Variants in CHN1 observed in about 807,000 individuals in gnomAD.
CHN1 encodes the protein chimerin 1.
CHN1 carries 37 observed loss-of-function variants against 59.5 expected under a neutral mutation model. The ratio of observed to expected loss-of-function variants is 0.62; its 90% CI spans 0.48 to 0.82. CHN1 has a LOEUF of 0.82. Ranked by LOEUF, CHN1 falls within the 40% of genes least tolerant of loss-of-function variation. The pLI, the probability that CHN1 is intolerant of heterozygous loss-of-function variation, is 0.00. For synonymous variants in CHN1, 206 were observed against 200.4 expected, an observed-to-expected ratio of 1.03 and a Z score of -0.24; for missense variants, 469 against 571.0, an observed-to-expected ratio of 0.82 and a Z score of 1.82.
intron 6 of CHN1, 45 bp downstream of exon 6, chr2:174,877,795 A>G (rs1687613665): frequency 1.3e-6 from 2 of 1,552,208 alleles, no homozygotes; most frequent in Non-Finnish European, 1.7e-6. Flanking sequence ...TTCTTAAAAG[A>G]ACCCCAAACA....
At chr2:174,920,796 G>A (rs1219711194) in intron 3 of CHN1, among the ~76,000 whole-genome samples, 3 of 152,134 alleles carry the variant, frequency 2.0e-5, no homozygotes, top group Non-Finnish European at 4.4e-5. Flanking sequence ...TATGGTTTCA[G>A]GATGATTCAA....
At chr2:174,811,678 G>T in intron 9 of CHN1, 90 bp from the exon 10 acceptor site, 1 of 715,530 alleles carries the variant, frequency 1.4e-6, no homozygotes, top group Non-Finnish European at 2.3e-6. Flanking sequence ...TAATGTGTCA[G>T]AAGAAATAAA....
chr2:174,887,081 T>C (rs1483066404), intron 5 of CHN1, among the ~76,000 whole-genome samples: 12 of 152,344 alleles, frequency 7.9e-5, no homozygotes. Context: ...ATAACATGTA[T>C]TCTTTTGTGC....
chr2:174,911,930 A>G (rs1180318545), intron 5 of CHN1, among the ~76,000 whole-genome samples: 2 of 152,208 alleles, frequency 1.3e-5, no homozygotes, highest in African/African-American at 2.4e-5. Flanking sequence ...TTTCTTAGGC[A>G]GTTACTTAAC....
chr2:174,849,093 CAA>C (rs1444589923), intron 6 of CHN1, among the ~76,000 whole-genome samples: 1 of 152,142 alleles, frequency 6.6e-6, no homozygotes, highest in Non-Finnish European at 1.5e-5. Flanking sequence ...TATTTGATAT[CAA>C]GTTACTAAGT....
chr2:174,878,256 G>A, intron 5 of CHN1, 128 bp from the exon 6 acceptor site: 1 of 795,446 alleles, frequency 1.3e-6, no homozygotes, highest in East Asian at 2.7e-5. Context: ...TAAATAAGCT[G>A]TGGCTAATCT....
intron 3 of CHN1, among the ~76,000 whole-genome samples, chr2:174,933,013 G>A (rs1024327476): frequency 2.0e-5 from 3 of 152,184 alleles, no homozygotes; most frequent in Non-Finnish European, 4.4e-5. Flanking sequence ...TTTGGTCTGG[G>A]AAACTGGAAT....
At chr2:174,829,728 T>C (rs991684240) in intron 7 of CHN1, among the ~76,000 whole-genome samples, 4 of 152,178 alleles carry the variant, frequency 2.6e-5, no homozygotes, top group Non-Finnish European at 4.4e-5. Context: ...GGCAATGACA[T>C]TTCAGCTGCA....
At chr2:174,986,695 G>A (rs965718912) in intron 1 of CHN1, among the ~76,000 whole-genome samples, 4 of 152,106 alleles carry the variant, frequency 2.6e-5, no homozygotes, top group African/African-American at 7.2e-5. Context: ...CATTTACAAC[G>A]ATCCACATAT....
chr2:174,864,953 C>T (rs1043901319), intron 6 of CHN1, among the ~76,000 whole-genome samples: 1 of 151,904 alleles, frequency 6.6e-6, no homozygotes, highest in African/African-American at 2.4e-5. Flanking sequence ...AGTCTAAATC[C>T]TTTATTTATT....
At chr2:174,975,288 G>C (rs1479438247) in intron 1 of CHN1, among the ~76,000 whole-genome samples, 1 of 152,224 alleles carries the variant, frequency 6.6e-6, no homozygotes, top group South Asian at 2.1e-4. Context: ...TCATTTCTTA[G>C]ATTTTTTTAA....
rs988910700 is a variant in CHN1 at position 174,799,963 on chromosome 2, G to T, written c.*153C>A. On this transcript the variant is annotated 3_prime_UTR_variant, in exon 13 of 13. Coordinates refer to ENST00000409900, the MANE Select transcript of CHN1 (RefSeq NM_001822.7). ...TCACTGTTTTACAAGACAGCTGAGC[G>T]GTGCTACAAAAACAACAGAAAGTTC... is the stretch of plus-strand genomic sequence containing the variant. The T allele has an allele frequency of 4.1e-6, 3 of 733,464 alleles. No homozygotes were observed. Among genetic ancestry groups the T allele is most frequent in the Non-Finnish European group, 7.2e-6 (3 of 417,426 alleles). 45.4% of individuals were successfully genotyped at this position (733,464 alleles called of 1,614,324 possible).
At chr2:174,834,374 T>A (rs1314825389) in intron 7 of CHN1, among the ~76,000 whole-genome samples, 1 of 152,234 alleles carries the variant, frequency 6.6e-6, no homozygotes, top group Non-Finnish European at 1.5e-5. Context: ...TATTCCTTTG[T>A]GTAGTTCTAA....
At chr2:174,863,765 T>C (rs147321484) in intron 6 of CHN1, among the ~76,000 whole-genome samples, 69 of 152,238 alleles carry the variant, frequency 4.5e-4, no homozygotes, top group Non-Finnish European at 7.2e-4. Flanking sequence ...GATGTGTAGA[T>C]AGAAAGATAA....
chr2:174,845,825 C>A (rs1686492469), intron 7 of CHN1, among the ~76,000 whole-genome samples: 2 of 149,126 alleles, frequency 1.3e-5, no homozygotes. Flanking sequence ...AAAATAAATA[C>A]TGGTGTTAAA....
At chr2:174,871,699 C>A (rs892511788) in intron 6 of CHN1, among the ~76,000 whole-genome samples, 5 of 152,116 alleles carry the variant, frequency 3.3e-5, no homozygotes, top group African/African-American at 9.7e-5. Context: ...TTATTTAATG[C>A]CTGTGATAAT....
chr2:174,816,751 G>A (rs907510607), intron 8 of CHN1, among the ~76,000 whole-genome samples: 1 of 151,932 alleles, frequency 6.6e-6, no homozygotes, highest in Admixed American at 6.6e-5. Context: ...TATAATTATT[G>A]GGAGTAATAA....
intron 4 of CHN1, 59 bp from the exon 5 acceptor site, chr2:174,915,230 A>G (rs1412089816): frequency 3.9e-6 from 5 of 1,282,740 alleles, no homozygotes; most frequent in Admixed American, 2.0e-5. Context: ...AAAACAAGAT[A>G]AAACAACGTC....
intron 6 of CHN1, among the ~76,000 whole-genome samples, chr2:174,852,294 A>G (rs538989589): frequency 6.6e-6 from 1 of 152,172 alleles, no homozygotes; most frequent in East Asian, 1.9e-4. Context: ...CAAAAAAACA[A>G]ACAAAACCGG....
Sources: gnomAD v4.1 joint callset for allele counts (sites outside exome capture counted in the v4.1 genomes callset) on GRCh38, gnomAD v4.1.1 for gene constraint, MANE v1.5 for transcripts, NCBI Gene and HGNC (gene_info 2026-07-23, HGNC 2026-07-21) for gene names.